Variants in MBP observed in about 807,000 individuals in gnomAD.
The protein encoded by MBP is myelin basic protein, also known as Golli-MBP.
In MBP, 16 loss-of-function variants were observed where a neutral mutation model predicts 35.8. The ratio of observed to expected loss-of-function variants is 0.45; its 90% confidence interval spans 0.30 to 0.68. The LOEUF (loss-of-function observed/expected upper bound fraction) is 0.68. Ranked by LOEUF, MBP falls within the 30% of genes least tolerant of loss-of-function variation. The pLI is 0.08. For missense variants in MBP, 380 were observed against 404.7 expected (o/e 0.94, Z 0.52); for synonymous variants, 143 against 159.6 (o/e 0.90, Z 0.78).
intron 4 of MBP, chr18:77,010,065 G>A: frequency 1.6e-6 from 1 of 642,236 alleles, no homozygotes; most frequent in African/African-American, 1.8e-5. Flanking sequence ...GGTGGAGGAT[G>A]AAGGACGACA....
intron 3 of MBP, among the ~76,000 whole-genome samples, chr18:77,045,386 T>TG (rs1973200317): frequency 1.3e-5 from 2 of 151,864 alleles, no homozygotes; most frequent in African/African-American, 4.8e-5. Context: ...CAGCAGCACC[T>TG]GCCTGCACCA....
intron 3 of MBP, among the ~76,000 whole-genome samples, chr18:77,042,638 C>T (rs887179571): frequency 6.6e-6 from 1 of 152,152 alleles, no homozygotes; most frequent in African/African-American, 2.4e-5. Context: ...TTCTTGGGGA[C>T]AGTTGCAGAG....
intron 3 of MBP, among the ~76,000 whole-genome samples, chr18:77,018,984 C>T (rs1204762349): frequency 6.7e-6 from 1 of 149,300 alleles, no homozygotes; most frequent in African/African-American, 2.5e-5. Flanking sequence ...ATCCATCCAT[C>T]CATCCATCCA....
intron 4 of MBP, among the ~76,000 whole-genome samples, chr18:76,994,374 T>C (rs2123201736): frequency 6.6e-6 from 1 of 152,314 alleles, no homozygotes; most frequent in South Asian, 2.1e-4. Flanking sequence ...ACTAGAAAAA[T>C]GACTTAAACT....
intron 2 of MBP, among the ~76,000 whole-genome samples, chr18:77,104,065 G>T (rs540935763): frequency 6.6e-6 from 1 of 152,226 alleles, no homozygotes; most frequent in Non-Finnish European, 1.5e-5. Flanking sequence ...TAGAGGAGCC[G>T]CCACTGGAAA....
In MBP at chr18:76,988,671, T is replaced by G; in HGVS notation, c.718-144A>C. The G allele has an allele frequency of 6.8e-7, 1 of 1,461,348 alleles. No homozygotes were observed. Among genetic ancestry groups the G allele is most frequent in the Non-Finnish European group, 9.2e-7 (1 of 1,090,866 alleles). The allele number at this position is 1,461,348 out of a possible 1,614,324, so 90.5% of individuals were successfully genotyped here. A position where few individuals can be genotyped will look rare whatever the true frequency, so the allele number is the denominator to read the frequency against. On this transcript the variant is annotated intron_variant, in intron 6 of 8. Transcript: ENST00000355994. This position sits in a 1 kb window ranked among gnomAD's most constrained non-coding sequence, Gnocchi z 5.2. Reference sequence around the variant, plus strand: ...CGGAGCTCCGAGGGGGGCCGCAGGCTCAGGGCCACAGCGGCTGTGCAGGTG... The same window carrying G: ...CGGAGCTCCGAGGGGGGCCGCAGGCGCAGGGCCACAGCGGCTGTGCAGGTG...
chr18:77,084,717 T>C (rs896871673), intron 2 of MBP, among the ~76,000 whole-genome samples: 1 of 152,196 alleles, frequency 6.6e-6, no homozygotes, highest in African/African-American at 2.4e-5. Context: ...CTGTTTGTTA[T>C]CTAGGTTGAC....
chr18:76,986,403 C>A, intron 7 of MBP: 2 of 985,514 alleles, frequency 2.0e-6, no homozygotes, highest in Non-Finnish European at 2.4e-6. Context: ...GAAGATGACA[C>A]CAGAGGCCTC....
At chr18:76,993,529 G>A (rs1159626488) in intron 4 of MBP, among the ~76,000 whole-genome samples, 1 of 138,570 alleles carries the variant, frequency 7.2e-6, no homozygotes, top group Non-Finnish European at 1.5e-5. Flanking sequence ...CAGCCTGGGC[G>A]ACAGAGCGAG....
chr18:77,085,683 G>GT (rs10645727), intron 2 of MBP, among the ~76,000 whole-genome samples: 2,410 of 124,224 alleles, frequency 0.019, 90 homozygotes, highest in African/African-American at 0.052. Flanking sequence ...AGTGCAATAA[G>GT]TTTTTTTTTT....
At chr18:77,036,752 A>T (rs1279812044) in intron 3 of MBP, among the ~76,000 whole-genome samples, 4 of 137,250 alleles carry the variant, frequency 2.9e-5, no homozygotes, top group Admixed American at 2.2e-4. Flanking sequence ...CATTTTGGAG[A>T]CTGAGCTGAG....
chr18:77,014,918 G>C (rs2123448820), intron 4 of MBP: 1 of 981,858 alleles, frequency 1.0e-6, no homozygotes, highest in Non-Finnish European at 1.2e-6. Flanking sequence ...AAGCAATCAT[G>C]TGAAAATTAT....
intron 3 of MBP, among the ~76,000 whole-genome samples, chr18:77,065,224 A>T (rs549732789): frequency 6.6e-5 from 10 of 152,316 alleles, no homozygotes; most frequent in African/African-American, 2.4e-4. Context: ...TTGAGGCTGG[A>T]AAGTCCCAGG....
intron 3 of MBP, among the ~76,000 whole-genome samples, chr18:77,052,248 A>G (rs974650342): frequency 2.0e-5 from 3 of 152,236 alleles, no homozygotes; most frequent in African/African-American, 7.2e-5. Flanking sequence ...TGTGAACTTT[A>G]CTTATGGAAA....
At chr18:77,088,262 G>A (rs1458020603) in intron 2 of MBP, among the ~76,000 whole-genome samples, 2 of 152,180 alleles carry the variant, frequency 1.3e-5, no homozygotes, top group African/African-American at 2.4e-5. Context: ...ATCCCTCAGG[G>A]ACAGTGCCTT....
chr18:77,031,249 T>C (rs1031890750), intron 3 of MBP, among the ~76,000 whole-genome samples: 1 of 152,336 alleles, frequency 6.6e-6, no homozygotes, highest in East Asian at 1.9e-4. Context: ...TGAGACGTTT[T>C]GGAGTTGTTA....
At chr18:77,078,551 C>T (rs1974754739) in intron 2 of MBP, among the ~76,000 whole-genome samples, 1 of 152,242 alleles carries the variant, frequency 6.6e-6, no homozygotes, top group African/African-American at 2.4e-5. Context: ...CTCTCACTAT[C>T]TTTGCGTTCA....
chr18:77,015,269 T>A lies in MBP; in HGVS notation c.576+1563A>T, dbSNP rs1971561559. On this transcript the variant is annotated intron_variant, in intron 4 of 8. Coordinates refer to ENST00000355994, the MANE Select transcript of MBP (RefSeq NM_001025101.2). Reference sequence around the variant, plus strand: ...TTTTCTGCACAGTTTAAGTACATTTTTTTTTTCTGTACCTTGAAGTAAGCA... The same window carrying A: ...TTTTCTGCACAGTTTAAGTACATTTATTTTTTCTGTACCTTGAAGTAAGCA... The A allele has an allele frequency of 1.1e-5, 11 of 985,426 alleles. No homozygotes were observed. The South Asian group carries it at 4.2e-4, about 38-fold the overall frequency. 61.0% of individuals were successfully genotyped at this position (985,426 alleles called of 1,614,324 possible).
intron 4 of MBP, among the ~76,000 whole-genome samples, chr18:77,002,101 C>T (rs1198735372): frequency 6.6e-6 from 1 of 152,214 alleles, no homozygotes; most frequent in African/African-American, 2.4e-5. Flanking sequence ...CATTTTCCCA[C>T]CTGATGGGAT....
Sources: allele counts gnomAD v4.1 joint callset (sites outside exome capture counted in the v4.1 genomes callset), GRCh38; gene constraint gnomAD v4.1.1; non-coding constraint Gnocchi (gnomAD v3.1); transcripts MANE v1.5; gene names NCBI Gene and HGNC (gene_info 2026-07-23, HGNC 2026-07-21).